TMEM164: variants seen among roughly 807,000 people sequenced by gnomAD.
TMEM164 encodes the protein transmembrane protein 164.
In TMEM164, 4 loss-of-function variants were observed where a neutral mutation model predicts 18.8. That is an observed-to-expected ratio of 0.21 (90% CI 0.10 to 0.49). The LOEUF (loss-of-function observed/expected upper bound fraction) is 0.49. Among genes scored for constraint, TMEM164 ranks in the 20% least tolerant of loss-of-function variants. The probability of loss-of-function intolerance (pLI) is 0.98; values close to 1 mark genes in which losing one functional copy is unlikely to be tolerated. For synonymous variants in TMEM164, 86 were observed against 101.7 expected (o/e 0.85, Z 0.93); for missense variants, 108 against 239.9 (o/e 0.45, Z 3.63).
At chrX:110,093,069 C>T (rs894205724) in intron 3 of TMEM164, among the ~76,000 whole-genome samples, 4 of 111,640 alleles carry the variant, frequency 3.6e-5, no homozygotes, top group Non-Finnish European at 7.5e-5. Flanking sequence ...CCAACTTGAT[C>T]GTGATGGATA....
At chrX:110,158,765 A>G (rs1051103738) in intron 5 of TMEM164, among the ~76,000 whole-genome samples, 1 of 111,763 alleles carries the variant, frequency 8.9e-6, no homozygotes, top group Non-Finnish European at 1.9e-5. Context: ...ATGCAGAGAG[A>G]CAGGTTCTGC....
At chrX:110,029,032 G>A (rs1430148798) in intron 2 of TMEM164, among the ~76,000 whole-genome samples, 2 of 111,133 alleles carry the variant, frequency 1.8e-5, no homozygotes, top group African/African-American at 6.6e-5. Context: ...CTTAGAGTGT[G>A]GATAGATCTA....
chrX:110,009,310 T>G (rs977375063), intron 2 of TMEM164, among the ~76,000 whole-genome samples: 1 of 112,246 alleles, frequency 8.9e-6, no homozygotes, highest in Non-Finnish European at 1.9e-5. Flanking sequence ...TACGAAACCT[T>G]TCCATAGGAG....
chrX:110,020,765 C>G (rs916546812), intron 2 of TMEM164: 2 of 648,887 alleles, frequency 3.1e-6, no homozygotes, highest in African/African-American at 4.9e-5. Flanking sequence ...AGTTGCATGC[C>G]AGAATATTTA....
At chrX:110,026,671 G>A (rs143363468) in intron 2 of TMEM164, among the ~76,000 whole-genome samples, 1,973 of 111,896 alleles carry the variant, frequency 0.018, 17 homozygotes, top group Middle Eastern at 0.06. Flanking sequence ...ATTCTAAAAG[G>A]TAGGGTGCAG....
intron 5 of TMEM164, among the ~76,000 whole-genome samples, chrX:110,149,720 A>T: frequency 8.9e-6 from 1 of 111,924 alleles, no homozygotes; most frequent in Non-Finnish European, 1.9e-5. Context: ...TACGAGAGTC[A>T]CATTCATATA....
intron 4 of TMEM164, among the ~76,000 whole-genome samples, chrX:110,117,234 G>C (rs2066382295): frequency 8.9e-6 from 1 of 111,819 alleles, no homozygotes; most frequent in African/African-American, 3.3e-5. Flanking sequence ...TGGTCTTTCT[G>C]ATACCAAAGG....
chrX:110,018,035 A>C (rs773939371), intron 2 of TMEM164, among the ~76,000 whole-genome samples: 2 of 112,149 alleles, frequency 1.8e-5, no homozygotes, highest in East Asian at 2.8e-4. Flanking sequence ...CTGAGCCTGC[A>C]TGTAGAGCCA....
chrX:110,056,684 C>G (rs929781016), intron 2 of TMEM164, among the ~76,000 whole-genome samples: 4 of 111,689 alleles, frequency 3.6e-5, no homozygotes, highest in African/African-American at 1.3e-4. Flanking sequence ...TCCAATTTCT[C>G]CACATCCTCA....
Position 110,176,870 on chromosome X carries a change from GA to G in TMEM164, c.*3425del. ...TACTGAAGGGGAGGTAGGGGAGGAGGAAAAAAGGACCATGTGTGATGCTGTT... is the reference window on the plus strand; with the variant it reads ...TACTGAAGGGGAGGTAGGGGAGGAGGAAAAAGGACCATGTGTGATGCTGTT... On this transcript the variant is annotated 3_prime_UTR_variant, in exon 7 of 7. Coordinates refer to ENST00000372068, the MANE Select transcript of TMEM164 (RefSeq NM_032227.4). 1 of 113,712 alleles carries G rather than the reference GA, an allele frequency of 8.8e-6. No homozygotes were observed. The highest frequency in any genetic ancestry group is 3.2e-5 in the African/African-American group (1 of 31,412). 9.4% of individuals were successfully genotyped at this position (113,712 alleles called of 1,213,427 possible). A position where few individuals can be genotyped will look rare whatever the true frequency, so the allele number is the denominator to read the frequency against.
intron 2 of TMEM164, among the ~76,000 whole-genome samples, 193 bp from the exon 3 acceptor site, chrX:110,067,154 G>GCGCA (rs34465050): frequency 0.4 from 40,083 of 101,198 alleles, 7,479 homozygotes; most frequent in Middle Eastern, 0.55. Flanking sequence ...TCATGTGTGC[G>GCGCA]CACACACACA....
At chrX:110,060,445 CT>C (rs1936071261) in intron 2 of TMEM164, among the ~76,000 whole-genome samples, 1 of 111,026 alleles carries the variant, frequency 9.0e-6, no homozygotes, top group African/African-American at 3.3e-5. Context: ...TTTGAAATGA[CT>C]TTTGACTTAC....
chrX:110,028,979 A>G (rs1214250036), intron 2 of TMEM164, among the ~76,000 whole-genome samples: 2 of 109,882 alleles, frequency 1.8e-5, no homozygotes, highest in Non-Finnish European at 3.8e-5. Flanking sequence ...ATTTATTGTT[A>G]CATCTATTGA....
rs1569321159 is a variant in TMEM164 at position 110,084,479 on chromosome X, G to GTATAGTATATATATATATAT, written c.440+17083_440+17084insTATAGTATATATATATATAT. On this transcript the variant is annotated intron_variant, in intron 3 of 6. Coordinates refer to ENST00000372068, the MANE Select transcript of TMEM164 (RefSeq NM_032227.4). ...ATATAGTATAGTATATATATATATAGAGAGAGAGAGAGAGAGAGAGACATG... is the reference window on the plus strand; with the variant it reads ...ATATAGTATAGTATATATATATATAGTATAGTATATATATATATATAGAGAGAGAGAGAGAGAGAGACATG... 6.1e-3 allele frequency among the ~76,000 whole-genome samples: 164 copies of GTATAGTATATATATATATAT among 26,960 alleles called. 18 individuals are homozygous for GTATAGTATATATATATATAT. In the South Asian group the frequency reaches 0.078, roughly 13 times the overall value. The allele number at this position is 26,960 out of a possible 115,157, so 23.4% of individuals were successfully genotyped here. A position where few individuals can be genotyped will look rare whatever the true frequency, so the allele number is the denominator to read the frequency against.
intron 2 of TMEM164, among the ~76,000 whole-genome samples, chrX:110,056,415 A>G (rs1935833674): frequency 8.9e-6 from 1 of 112,310 alleles, no homozygotes; most frequent in African/African-American, 3.2e-5. Flanking sequence ...CATTTTATGT[A>G]TCCATTTGTC....
In TMEM164 at chrX:110,067,376, G is replaced by A; in HGVS notation, c.420G>A (p.Arg140=). ...HIFLLACPPC[R]GAIVVFKLQM... ...TTCTCCTGGCCTGCCCTCCATGTCG[G>A]GGAGCTATCGTCGTCTTCAAGTAAG... The change falls in exon 3 of 7, where the codon CGG becomes CGA. Residue 140 remains arginine (R), a synonymous_variant. Coordinates refer to ENST00000372068, the MANE Select transcript of TMEM164 (RefSeq NM_032227.4). 1 of 1,211,064 alleles carries A rather than the reference G, an allele frequency of 8.3e-7. No homozygotes were observed. Among genetic ancestry groups the A allele is most frequent in the Non-Finnish European group, 1.1e-6 (1 of 895,125 alleles).
intron 4 of TMEM164, among the ~76,000 whole-genome samples, chrX:110,131,013 C>T (rs1270212149): frequency 8.9e-6 from 1 of 112,125 alleles, no homozygotes; most frequent in Non-Finnish European, 1.9e-5. Flanking sequence ...CTGGTGGCCT[C>T]CAGGGGATAT....
intron 2 of TMEM164, among the ~76,000 whole-genome samples, chrX:110,037,983 C>CTTTTTTTTTTT: frequency 1.0e-5 from 1 of 98,226 alleles, no homozygotes; most frequent in African/African-American, 4.1e-5. Flanking sequence ...CCTTTGGACT[C>CTTTTTTTTTTT]ATTTTTTTTT....
intron 2 of TMEM164, among the ~76,000 whole-genome samples, chrX:110,057,908 T>C (rs1244528427): frequency 9.0e-6 from 1 of 110,945 alleles, no homozygotes. Context: ...AAATTTGTGG[T>C]TTGCAAATAT....
Sources: allele counts gnomAD v4.1 joint callset (sites outside exome capture counted in the v4.1 genomes callset), GRCh38; gene constraint gnomAD v4.1.1; transcripts MANE v1.5; gene names NCBI Gene and HGNC (gene_info 2026-07-23, HGNC 2026-07-21).